CCDC91: variants seen among roughly 807,000 people sequenced by gnomAD.
The protein encoded by CCDC91 is coiled-coil domain containing 91.
Under a neutral mutation model 63.2 loss-of-function variants are expected in CCDC91, and 48 were observed. The observed-to-expected ratio is 0.76, with a 90% CI of 0.60 to 0.97. CCDC91 has a LOEUF of 0.97. Among genes scored for constraint, CCDC91 ranks in the 50% least tolerant of loss-of-function variants. CCDC91 has a pLI of 0.00. For synonymous variants in CCDC91, 167 were observed against 165.8 expected, an observed-to-expected ratio of 1.01 and a Z score of -0.06; for missense variants, 500 against 494.6, an observed-to-expected ratio of 1.01 and a Z score of -0.10.
At chr12:28,277,442 T>C (rs1948314688) in intron 3 of CCDC91, among the ~76,000 whole-genome samples, 1 of 152,092 alleles carries the variant, frequency 6.6e-6, no homozygotes, top group Admixed American at 6.6e-5. Flanking sequence ...ATTTGGTAAG[T>C]ACCATTATAG....
intron 11 of CCDC91, among the ~76,000 whole-genome samples, chr12:28,469,992 A>G (rs1174712973): frequency 1.3e-5 from 2 of 152,140 alleles, no homozygotes; most frequent in African/African-American, 4.8e-5. Context: ...TCAAGAAAAC[A>G]TTAGGAAAGC....
At chr12:28,241,995 C>CAAA (rs1209663723) in intron 1 of CCDC91, among the ~76,000 whole-genome samples, 29 of 41,288 alleles carry the variant, frequency 7.0e-4, no homozygotes, top group Admixed American at 1.2e-3. Context: ...GACTCCTTCT[C>CAAA]AAAAAAAAAA....
chr12:28,503,695 A>T (rs1228391001), intron 12 of CCDC91, among the ~76,000 whole-genome samples: 1 of 152,192 alleles, frequency 6.6e-6, no homozygotes, highest in Non-Finnish European at 1.5e-5. Context: ...CAAATGTCCA[A>T]CAATGATAGA....
chr12:28,310,873 G>C (rs1939251199), intron 6 of CCDC91, among the ~76,000 whole-genome samples: 1 of 151,784 alleles, frequency 6.6e-6, no homozygotes, highest in African/African-American at 2.4e-5. Flanking sequence ...TTTTATTATG[G>C]TTGCTTTAAA....
intron 1 of CCDC91, among the ~76,000 whole-genome samples, chr12:28,214,370 C>G (rs533160384): frequency 1.3e-5 from 2 of 152,088 alleles, no homozygotes; most frequent in South Asian, 4.1e-4. Context: ...CAACCCAACC[C>G]AACCCAAGCA....
chr12:28,259,080 G>A (rs189539909), intron 2 of CCDC91, among the ~76,000 whole-genome samples: 1 of 152,042 alleles, frequency 6.6e-6, no homozygotes, highest in Non-Finnish European at 1.5e-5. Flanking sequence ...AAGTTTACAA[G>A]TGAAAATGTG....
intron 7 of CCDC91, among the ~76,000 whole-genome samples, chr12:28,386,244 G>C (rs1945590666): frequency 6.6e-6 from 1 of 152,088 alleles, no homozygotes; most frequent in Non-Finnish European, 1.5e-5. Flanking sequence ...TTCACACAGG[G>C]ATCATTACTT....
At chr12:28,523,460 A>G (rs554620543) in intron 12 of CCDC91, among the ~76,000 whole-genome samples, 9 of 152,146 alleles carry the variant, frequency 5.9e-5, no homozygotes, top group African/African-American at 1.4e-4. Context: ...TTTTGAGCCT[A>G]TGTGTGTCTC....
intron 1 of CCDC91, among the ~76,000 whole-genome samples, chr12:28,249,643 T>A (rs564238164): frequency 2.5e-4 from 38 of 152,094 alleles, no homozygotes; most frequent in Non-Finnish European, 1.0e-4. Context: ...GGTTGTACTT[T>A]GCATGCACAC....
At chr12:28,323,297 C>G (rs1940691294) in intron 6 of CCDC91, among the ~76,000 whole-genome samples, 1 of 151,774 alleles carries the variant, frequency 6.6e-6, no homozygotes, top group Admixed American at 6.6e-5. Flanking sequence ...TTTGATCTAT[C>G]TGGACTTCGT....
At chr12:28,547,581 T>C (rs1387796830) in intron 12 of CCDC91, among the ~76,000 whole-genome samples, 3 of 152,034 alleles carry the variant, frequency 2.0e-5, no homozygotes, top group African/African-American at 4.8e-5. Context: ...AATAGTCTTA[T>C]AAGCATAAGG....
At chr12:28,473,892 A>G (rs1398200117) in intron 11 of CCDC91, among the ~76,000 whole-genome samples, 2 of 151,938 alleles carry the variant, frequency 1.3e-5, no homozygotes, top group African/African-American at 4.8e-5. Flanking sequence ...TTTAAAACTC[A>G]CCATTGGTAA....
At chr12:28,409,054 G>A (rs746240200) in intron 8 of CCDC91, among the ~76,000 whole-genome samples, 1 of 152,232 alleles carries the variant, frequency 6.6e-6, no homozygotes, top group Middle Eastern at 3.4e-3. Flanking sequence ...GGATGTTGTT[G>A]CATCTTCCTT....
At chr12:28,262,021 T>C (rs1453462704) in intron 3 of CCDC91, among the ~76,000 whole-genome samples, 1 of 152,062 alleles carries the variant, frequency 6.6e-6, no homozygotes, top group Non-Finnish European at 1.5e-5. Context: ...TTTTCCTTTG[T>C]TAGTTGTCTT....
At chr12:28,397,979 T>G (rs1425787317) in intron 8 of CCDC91, among the ~76,000 whole-genome samples, 1 of 152,124 alleles carries the variant, frequency 6.6e-6, no homozygotes, top group Non-Finnish European at 1.5e-5. Context: ...TTGAATTGAG[T>G]GCTAGAATAT....
chr12:28,352,980 G>T (rs979153196), intron 6 of CCDC91, among the ~76,000 whole-genome samples: 5 of 152,224 alleles, frequency 3.3e-5, no homozygotes, highest in Admixed American at 3.3e-4. Flanking sequence ...TCCAAGAGAA[G>T]AATGTTTTGT....
intron 10 of CCDC91, among the ~76,000 whole-genome samples, chr12:28,450,754 GC>G (rs1309896597): frequency 6.6e-6 from 1 of 151,654 alleles, no homozygotes. Context: ...AATTTTTAAA[GC>G]CAAGTTTAAA....
At chr12:28,342,546 AT>A (rs1053842507) in intron 6 of CCDC91, among the ~76,000 whole-genome samples, 1 of 152,074 alleles carries the variant, frequency 6.6e-6, no homozygotes, top group Admixed American at 6.6e-5. Context: ...AGATTTATTT[AT>A]TTTTTTGCTG....
chr12:28,376,325 T>C (rs1225040467), intron 7 of CCDC91, among the ~76,000 whole-genome samples: 1 of 151,784 alleles, frequency 6.6e-6, no homozygotes, highest in East Asian at 1.9e-4. Context: ...CCATTGAAAT[T>C]ACTGAGAATT....
Sources: gnomAD v4.1 joint callset for allele counts (sites outside exome capture counted in the v4.1 genomes callset) on GRCh38, gnomAD v4.1.1 for gene constraint, MANE v1.5 for transcripts, NCBI Gene and HGNC (gene_info 2026-07-23, HGNC 2026-07-21) for gene names.